Variants in NANOS3 observed in about 807,000 individuals in gnomAD.
The protein encoded by NANOS3 is nanos homolog 3.
In NANOS3, 11 loss-of-function variants were observed where a neutral mutation model predicts 13.8. The ratio of observed to expected loss-of-function variants is 0.80; its 90% CI spans 0.50 to 1.32. The LOEUF is 1.32. Ranked by LOEUF, NANOS3 falls within the 40% of genes most tolerant of loss-of-function variation. NANOS3 has a pLI of 0.00. For synonymous variants in NANOS3, 119 were observed against 115.4 expected (o/e 1.03, Z -0.20); for missense variants, 221 against 263.8 (o/e 0.84, Z 1.12).
At chr19:13,865,288 T>TCCCC (rs1174931312), upstream of NANOS3, 5 of 123,982 alleles carry the variant, frequency 4.0e-5, no homozygotes, top group Admixed American at 1.6e-4. Context: ...CGCGGCCCCC[T>TCCCC]CCCCCCCCCC....
upstream of NANOS3, among the ~76,000 whole-genome samples, chr19:13,864,563 A>G (rs8107465): frequency 0.5 from 76,193 of 151,640 alleles, 19,541 homozygotes; most frequent in African/African-American, 0.6. Flanking sequence ...ATATCCATGT[A>G]TTAGGTTATT....
chr19:13,879,527 A>G (rs1254251185), intron 1 of NANOS3, among the ~76,000 whole-genome samples: 2 of 152,150 alleles, frequency 1.3e-5, no homozygotes, highest in Admixed American at 6.6e-5. Flanking sequence ...CTTGAGCCCA[A>G]GAGTTTGAGA....
Position 13,870,832 on chromosome 19 carries a change from G to A in NANOS3, n.21+5395G>A, listed in dbSNP as rs1208876595. ...TGACCTCAACTGATCTGCCCGCCTCGGCCTCCCAAAGTGCTGGGATTACAG... is the reference window on the plus strand; with the variant it reads ...TGACCTCAACTGATCTGCCCGCCTCAGCCTCCCAAAGTGCTGGGATTACAG... On this transcript the variant is annotated intron_variant and non_coding_transcript_variant, in intron 1 of 2. Transcript: ENST00000591161. 3.3e-5 allele frequency among the ~76,000 whole-genome samples: 5 copies of A among 151,432 alleles called. No individual in the cohort carries two copies. The East Asian group carries it at 7.8e-4, about 24-fold the overall frequency.
chr19:13,865,513 G>T (rs1302727728), intron 1 of NANOS3: 1 of 145,146 alleles, frequency 6.9e-6, no homozygotes, highest in South Asian at 2.1e-4. Flanking sequence ...GCGGCGGGGC[G>T]GGGCGGGACG....
At chr19:13,869,382 G>A (rs968083229) in intron 1 of NANOS3, among the ~76,000 whole-genome samples, 1 of 152,012 alleles carries the variant, frequency 6.6e-6, no homozygotes, top group Non-Finnish European at 1.5e-5. Context: ...GAACCTTCTC[G>A]CCTTCCCCAG....
chr19:13,869,753 T>TAC (rs147933094), intron 1 of NANOS3, among the ~76,000 whole-genome samples: 209 of 146,614 alleles, frequency 1.4e-3, no homozygotes, highest in Middle Eastern at 3.5e-3. Flanking sequence ...CAGGCCCAAG[T>TAC]ACACACACAC....
chr19:13,872,255 G>A (rs375463897), upstream of NANOS3, among the ~76,000 whole-genome samples: 1 of 150,566 alleles, frequency 6.6e-6, no homozygotes, highest in African/African-American at 2.4e-5. Context: ...TGAGGCAGGA[G>A]AACTGCTTGA....
rs1169257155 is a variant in NANOS3, at chr19:13,878,650, A to AC, written c.517+888dup. 2.1e-5 allele frequency among the ~76,000 whole-genome samples: 3 copies of AC among 142,622 alleles called. No homozygotes were observed. In the East Asian group the frequency reaches 6.3e-4, roughly 30 times the overall value. The allele number at this position is 142,622 out of a possible 152,430, so 93.6% of individuals were successfully genotyped here. ...TTTGAGATAGAGTCTCGCTCTATCC[A>AC]CCCAGGCTGGATGGAGTTCAGTGGT... is the stretch of plus-strand genomic sequence containing the variant. On this transcript the variant is annotated intron_variant, in intron 1 of 1. Transcript: ENST00000339133.
intron 1 of NANOS3, 116 bp downstream of exon 1, chr19:13,877,881 G>A: frequency 7.0e-7 from 1 of 1,425,090 alleles, no homozygotes; most frequent in Non-Finnish European, 9.2e-7. Flanking sequence ...CTTAGAGAGA[G>A]CTTAGAACAG....
chr19:13,875,567 G>A (rs371253880), upstream of NANOS3, among the ~76,000 whole-genome samples: 10 of 152,020 alleles, frequency 6.6e-5, no homozygotes, highest in East Asian at 1.2e-3. Context: ...TTAGAGACAG[G>A]ATCTCGCTCT....
In NANOS3 at chr19:13,880,403, G is replaced by A. The variant is rs752985622; in HGVS notation, c.518-39G>A. 9.5e-5 allele frequency: 152 copies of A among 1,599,954 alleles called. 1 individual carries two copies. The South Asian group carries it at 1.1e-3, about 12-fold the overall frequency. On this transcript the variant is annotated intron_variant, in intron 1 of 1. Coordinates refer to ENST00000339133, the MANE Select transcript of NANOS3 (RefSeq NM_001098622.3). ...GCAACTTGGGGAGCGTTGAGTCATC[G>A]CCTGTGATTAAGCATTTCTCTCCCT...
chr19:13,865,290 C>CT, upstream of NANOS3: 1 of 145,666 alleles, frequency 6.9e-6, no homozygotes, highest in South Asian at 2.1e-4. Context: ...CGGCCCCCTC[C>CT]CCCCCCCCGC....
chr19:13,869,542 C>T (rs145986004), intron 1 of NANOS3, among the ~76,000 whole-genome samples: 45 of 152,086 alleles, frequency 3.0e-4, no homozygotes, highest in African/African-American at 1.0e-3. Flanking sequence ...GGGAGGTGGC[C>T]TGCGGAGGGT....
At chr19:13,878,119 G>C (rs1968557257) in intron 1 of NANOS3, among the ~76,000 whole-genome samples, 1 of 152,018 alleles carries the variant, frequency 6.6e-6, no homozygotes. Flanking sequence ...AGTAGAGATG[G>C]GGTTTCACCA....
chr19:13,876,187 G>A (rs983092963), upstream of NANOS3, among the ~76,000 whole-genome samples: 1 of 152,178 alleles, frequency 6.6e-6, no homozygotes, highest in African/African-American at 2.4e-5. Flanking sequence ...TTCCCAGGCT[G>A]GAGTGCAGTG....
upstream of NANOS3, among the ~76,000 whole-genome samples, chr19:13,864,876 A>G (rs1976208323): frequency 1.3e-5 from 2 of 151,228 alleles, 1 homozygote; most frequent in South Asian, 4.2e-4. Flanking sequence ...GCACGCCCGC[A>G]CGTCCCGCCA....
chr19:13,877,282 G>T lies in NANOS3; in HGVS notation c.34G>T (p.Gly12Cys). ...CTTTGACCTGTGGACAGATTACCTGGGTTTGGCACACCTGGTTAGGGCTCT... is the reference window on the plus strand; with the variant it reads ...CTTTGACCTGTGGACAGATTACCTGTGTTTGGCACACCTGGTTAGGGCTCT... ...GTFDLWTDYLGLAHLVRALSG... is the reference protein window; with the variant it reads ...GTFDLWTDYLCLAHLVRALSG... The change falls in exon 1 of 2, where the codon GGT (glycine) becomes TGT (cysteine). Residue 12 changes from glycine (G) to cysteine (C), a missense_variant. By Grantham distance (159) the Gly-to-Cys change is radical. Transcript: ENST00000339133. 1 of 1,612,774 alleles carries T rather than the reference G, an allele frequency of 6.2e-7. No homozygotes were observed. The highest frequency in any genetic ancestry group is 8.5e-7 in the Non-Finnish European group (1 of 1,179,614).
At chr19:13,862,295 C>G (rs1976169481), upstream of NANOS3, 1 of 152,000 alleles carries the variant, frequency 6.6e-6, no homozygotes, top group African/African-American at 2.4e-5. Flanking sequence ...AGGCTCCAGC[C>G]TGGGGTGTCC....
upstream of NANOS3, among the ~76,000 whole-genome samples, chr19:13,863,219 T>A (rs1004592498): frequency 6.6e-6 from 1 of 151,746 alleles, no homozygotes; most frequent in Non-Finnish European, 1.5e-5. Context: ...CAATACGCTC[T>A]TTTTTTTAGA....
Sources: allele counts gnomAD v4.1 joint callset (sites outside exome capture counted in the v4.1 genomes callset), GRCh38; gene constraint gnomAD v4.1.1; transcripts MANE v1.5; gene names NCBI Gene and HGNC (gene_info 2026-07-23, HGNC 2026-07-21).